Variants in CYP4F3 observed in about 807,000 individuals in gnomAD.
CYP4F3 encodes the protein cytochrome P450 family 4 subfamily F member 3.
A neutral mutation model predicts 54.8 loss-of-function variants in CYP4F3; 50 were observed. The observed-to-expected ratio is 0.91, with a 90% CI of 0.73 to 1.16. The LOEUF (loss-of-function observed/expected upper bound fraction) is 1.16. Ranked by LOEUF, CYP4F3 falls within the 50% of genes most tolerant of loss-of-function variation. The pLI is 0.00. For missense variants in CYP4F3, 715 were observed against 676.2 expected, an observed-to-expected ratio of 1.06 and a Z score of -0.64; for synonymous variants, 244 against 262.6, an observed-to-expected ratio of 0.93 and a Z score of 0.69.
rs749214768 is a variant in CYP4F3, at chr19:15,658,474, C to T, written c.1250-17C>T. ...AGGCAGGGAGCATTGTCCTGACTGC[C>T]CCCTTCTCTCCCACAGGCATTATCT... On this transcript the variant is annotated splice_polypyrimidine_tract_variant and intron_variant, in intron 10 of 12. Transcript: ENST00000221307. 6 of 1,614,020 alleles carry T rather than the reference C, an allele frequency of 3.7e-6. No homozygotes were observed. Among genetic ancestry groups the T allele is most frequent in the Admixed American group, 3.3e-5 (2 of 59,996 alleles).
At chr19:15,652,379 C>A (rs145640233) in intron 7 of CYP4F3, among the ~76,000 whole-genome samples, 190 bp from the exon 8 acceptor site, 1 of 152,044 alleles carries the variant, frequency 6.6e-6, no homozygotes, top group Non-Finnish European at 1.5e-5. Context: ...GCAAGGAAGC[C>A]AGGGAGGAAG....
intron 7 of CYP4F3, among the ~76,000 whole-genome samples, chr19:15,650,868 T>TCTCTCTC (rs1568398600): frequency 2.3e-5 from 1 of 43,046 alleles, no homozygotes; most frequent in African/African-American, 1.8e-4. Flanking sequence ...CTTTCTTTCT[T>TCTCTCTC]TTTCTCTCTC....
chr19:15,652,145 T>G (rs1972875088), intron 7 of CYP4F3, among the ~76,000 whole-genome samples: 2 of 152,134 alleles, frequency 1.3e-5, no homozygotes, highest in Non-Finnish European at 2.9e-5. Flanking sequence ...TTCCATAGAC[T>G]TACAACTCAA....
chr19:15,658,127 T>G, intron 9 of CYP4F3, 137 bp from the exon 10 acceptor site: 1 of 1,541,324 alleles, frequency 6.5e-7, no homozygotes, highest in Non-Finnish European at 8.7e-7. Context: ...CTGTTTTTAT[T>G]CCTGCGACTT....
chr19:15,648,990 C>T (rs1421052860), intron 5 of CYP4F3, among the ~76,000 whole-genome samples, 170 bp from the exon 6 acceptor site: 2 of 152,176 alleles, frequency 1.3e-5, no homozygotes, highest in African/African-American at 4.8e-5. Context: ...GTCTTCATCT[C>T]TTAATAGTAA....
In CYP4F3 at chr19:15,652,966, C is replaced by T; in HGVS notation, c.1115+14C>T. On this transcript the variant is annotated intron_variant, in intron 9 of 12. Coordinates refer to ENST00000221307, the MANE Select transcript of CYP4F3 (RefSeq NM_000896.3). ...AGAGATTGAATGGTGAGTGCAGGTG[C>T]TGGTGCCCTGTTCCTGAGCCTGTCT... 3 of 1,593,198 alleles carry T rather than the reference C, an allele frequency of 1.9e-6. No individual in the cohort carries two copies. Among genetic ancestry groups the T allele is most frequent in the Non-Finnish European group, 2.6e-6 (3 of 1,170,116 alleles).
At position 15,650,394 on chromosome 19, in the gene CYP4F3, A is replaced by T. The variant is rs912663462; in HGVS notation, c.918+211A>T. ...TAAATGAAATTGTGATGAGTCTGAG[A>T]TTTACTCTATTTATAAGTTAATAAG... On this transcript the variant is annotated intron_variant, in intron 7 of 12. Transcript: ENST00000221307. 19 of 910,960 alleles carry T rather than the reference A, an allele frequency of 2.1e-5. No individual in the cohort carries two copies. The South Asian group carries it at 3.0e-4, about 14-fold the overall frequency. 56.4% of individuals were successfully genotyped at this position (910,960 alleles called of 1,614,324 possible).
chr19:15,641,512 C>G lies in CYP4F3; in HGVS notation c.97C>G (p.Arg33Gly). The change falls in exon 2 of 13, where the codon CGC (arginine) becomes GGC (glycine). Residue 33 changes from arginine to glycine, a missense_variant. Transcript: ENST00000221307. ...LLVGASWLLA[R>G]ILAWTYTFYD... ...GGTTGGGGCCTCCTGGCTCCTGGCCCGCATCCTGGCCTGGACCTATACCTT... is the reference window on the plus strand; with the variant it reads ...GGTTGGGGCCTCCTGGCTCCTGGCCGGCATCCTGGCCTGGACCTATACCTT... 2 of 1,614,210 alleles carry G rather than the reference C, an allele frequency of 1.2e-6. No homozygotes were observed. Among genetic ancestry groups the G allele is most frequent in the Non-Finnish European group, 1.7e-6 (2 of 1,180,050 alleles).
intron 2 of CYP4F3, among the ~76,000 whole-genome samples, chr19:15,643,470 A>G (rs1038490974): frequency 1.3e-5 from 2 of 152,170 alleles, no homozygotes; most frequent in African/African-American, 4.8e-5. Context: ...AGACAGGCAG[A>G]CAGACAGATA....
chr19:15,651,331 C>A lies in CYP4F3; in HGVS notation c.918+1148C>A, dbSNP rs558722717. ...TATGTCCATGTTTTTTTGTCTGTGT[C>A]TATGATTATGTCTATGTCAATGCTA... On this transcript the variant is annotated intron_variant, in intron 7 of 12. Coordinates refer to ENST00000221307, the MANE Select transcript of CYP4F3 (RefSeq NM_000896.3). 5.5e-4 allele frequency among the ~76,000 whole-genome samples: 74 copies of A among 134,032 alleles called. 12 individuals are homozygous for A. Among genetic ancestry groups the A allele is most frequent in the Non-Finnish European group, 9.6e-4 (58 of 60,460 alleles). The allele number at this position is 134,032 out of a possible 152,430, so 87.9% of individuals were successfully genotyped here.
chr19:15,658,266 A>G lies in CYP4F3; in HGVS notation c.1118A>G (p.Asp373Gly). Residue 373 changes from aspartate (D) to glycine (G), a missense_variant and splice_region_variant, in exon 10 of 13, where the codon GAC becomes GGC. Coordinates refer to ENST00000221307, the MANE Select transcript of CYP4F3 (RefSeq NM_000896.3). ...TTGGGGCTGGGGTGTTTCCTTAGGG[A>G]CGACCTGGCCCAGCTGCCCTTCCTG... Reference protein sequence around the residue: ...KDREPKEIEWDDLAQLPFLTM... With the variant: ...KDREPKEIEWGDLAQLPFLTM... 3 of 1,613,796 alleles carry G rather than the reference A, an allele frequency of 1.9e-6. No homozygotes were observed. The highest frequency in any genetic ancestry group is 2.5e-6 in the Non-Finnish European group (3 of 1,179,868).
intron 1 of CYP4F3, 85 bp from the exon 2 acceptor site, chr19:15,641,330 C>G: frequency 6.6e-7 from 1 of 1,513,212 alleles, no homozygotes; most frequent in Non-Finnish European, 9.0e-7. Flanking sequence ...CACTGCCCGT[C>G]TCTGCCTCTC....
rs148575704 is a variant in CYP4F3 at position 15,645,772 on chromosome 19, C to A, written c.252C>A (p.Phe84Leu). 9.2e-5 allele frequency: 149 copies of A among 1,614,022 alleles called. 1 individual carries two copies. The highest frequency in any genetic ancestry group is 6.6e-4 in the Middle Eastern group (4 of 6,084). The change falls in exon 3 of 13, where the codon TTC becomes TTA. Residue 84 changes from phenylalanine (F) to leucine (L), a missense_variant. Coordinates refer to ENST00000221307, the MANE Select transcript of CYP4F3 (RefSeq NM_000896.3). ...LLYTQSLACTFGDMCCWWVGP... is the reference protein window; with the variant it reads ...LLYTQSLACTLGDMCCWWVGP... ...ACACACAAAGCCTGGCATGCACCTT[C>A]GGTGATATGTGCTGCTGGTGGGTGG...
intron 2 of CYP4F3, among the ~76,000 whole-genome samples, chr19:15,642,561 A>T (rs1359594743): frequency 6.6e-6 from 1 of 152,136 alleles, no homozygotes; most frequent in East Asian, 1.9e-4. Flanking sequence ...CCCTGTGAGG[A>T]CCTCCTCATA....
rs199596925 is a variant in CYP4F3, at chr19:15,645,163, G to A, written c.199-556G>A. Among the ~76,000 whole-genome samples the A allele has an allele frequency of 5.3e-5, 8 of 152,270 alleles. No homozygotes were observed. The East Asian group carries it at 1.5e-3, about 29-fold the overall frequency. On this transcript the variant is annotated intron_variant, in intron 2 of 12. Coordinates refer to ENST00000221307, the MANE Select transcript of CYP4F3 (RefSeq NM_000896.3). ...ATGACGTCAACAATGAGTCCTAGAAGCTCAATTCTCATGGGAAAGCCCACA... is the reference window on the plus strand; with the variant it reads ...ATGACGTCAACAATGAGTCCTAGAAACTCAATTCTCATGGGAAAGCCCACA...
rs112548726 is a variant in CYP4F3, at chr19:15,659,209, C to A, written c.1398-11C>A. On this transcript the variant is annotated splice_polypyrimidine_tract_variant and intron_variant, in intron 12 of 12. Coordinates refer to ENST00000221307, the MANE Select transcript of CYP4F3 (RefSeq NM_000896.3). ...CTGGGTGCAGTCAGAGTTTCCACCT[C>A]CCTCCCCAAGGAACTGCATCGGGCA... 430 of 1,527,768 alleles carry A rather than the reference C, an allele frequency of 2.8e-4. 1 individual carries two copies. In the African/African-American group the frequency reaches 5.4e-3, roughly 19 times the overall value. The allele number at this position is 1,527,768 out of a possible 1,614,324, so 94.6% of individuals were successfully genotyped here.
intron 1 of CYP4F3, 47 bp from the exon 2 acceptor site, chr19:15,641,368 C>T (rs529427281): frequency 1.2e-6 from 2 of 1,609,460 alleles, no homozygotes; most frequent in East Asian, 4.5e-5. Context: ...TCCCTGGGCC[C>T]TTCCCTGGGC....
intron 2 of CYP4F3, among the ~76,000 whole-genome samples, chr19:15,643,286 T>C (rs1347830601): frequency 6.6e-6 from 1 of 151,932 alleles, no homozygotes; most frequent in Non-Finnish European, 1.5e-5. Flanking sequence ...GATGGATAGA[T>C]ACATAGAAAC....
Position 15,660,284 on chromosome 19 carries a change from T to C in CYP4F3, c.*899T>C, listed in dbSNP as rs1973153861. 1 of 152,182 alleles carries C rather than the reference T, an allele frequency of 6.6e-6. No homozygotes were observed. Among genetic ancestry groups the C allele is most frequent in the Non-Finnish European group, 1.5e-5 (1 of 68,030 alleles). 9.4% of individuals were successfully genotyped at this position (152,182 alleles called of 1,614,324 possible). On this transcript the variant is annotated 3_prime_UTR_variant, in exon 13 of 13. Coordinates refer to ENST00000221307, the MANE Select transcript of CYP4F3 (RefSeq NM_000896.3). ...TTGAGGTATCATTATCAGTTACAAA[T>C]TGAGTTATTCTTCATCAAATGACTT...
Sources: gnomAD v4.1 joint callset for allele counts (sites outside exome capture counted in the v4.1 genomes callset) on GRCh38, gnomAD v4.1.1 for gene constraint, MANE v1.5 for transcripts, NCBI Gene and HGNC (gene_info 2026-07-23, HGNC 2026-07-21) for gene names.